The following FSTL4 variants were observed in gnomAD, a reference collection of about 807,000 sequenced individuals.
FSTL4 encodes follistatin like 4.
In FSTL4, 28 loss-of-function variants were observed where a neutral mutation model predicts 78.2. The ratio of observed to expected loss-of-function variants is 0.36; its 90% confidence interval spans 0.27 to 0.49. The LOEUF is 0.49. FSTL4 is among the 20% of genes least tolerant of loss of function. The pLI is 0.98. For synonymous variants in FSTL4, 422 were observed against 440.5 expected, an observed-to-expected ratio of 0.96 and a Z score of 0.53; for missense variants, 922 against 1,084.9, an observed-to-expected ratio of 0.85 and a Z score of 2.11.
chr5:133,244,387 C>T (rs1751971523), intron 7 of FSTL4: 1 of 152,346 alleles, frequency 6.6e-6, no homozygotes, highest in African/African-American at 2.4e-5. Context: ...TGGGCTGTGC[C>T]TCCTCAAGGA....
intron 3 of FSTL4, among the ~76,000 whole-genome samples, chr5:133,499,804 T>C (rs1758451866): frequency 1.3e-5 from 2 of 152,220 alleles, no homozygotes; most frequent in African/African-American, 2.4e-5. Context: ...CCTCCGACAG[T>C]ACACATTTTA....
chr5:133,403,585 G>C (rs1008892713), intron 3 of FSTL4, among the ~76,000 whole-genome samples: 1 of 152,230 alleles, frequency 6.6e-6, no homozygotes, highest in Non-Finnish European at 1.5e-5. Context: ...TAGGGGCTCG[G>C]ATGGGGAGGG....
At chr5:133,818,478 G>A in the FSTL4 span, among the ~76,000 whole-genome samples, 1 of 152,098 alleles carries the variant, frequency 6.6e-6, no homozygotes, top group African/African-American at 2.4e-5. Flanking sequence ...TGTGTCACTG[G>A]GGAACTTAAC....
At chr5:133,276,545 G>C (rs941493982) in intron 6 of FSTL4, among the ~76,000 whole-genome samples, 1 of 152,160 alleles carries the variant, frequency 6.6e-6, no homozygotes, top group Non-Finnish European at 1.5e-5. Flanking sequence ...AAATAATAAT[G>C]ACCCCTCAAG....
the FSTL4 span, among the ~76,000 whole-genome samples, chr5:133,757,434 A>G: frequency 6.6e-6 from 1 of 152,236 alleles, no homozygotes; most frequent in South Asian, 2.1e-4. Flanking sequence ...ATTGGTGGCT[A>G]CAATACTAGA....
At chr5:133,528,796 T>A (rs954128868) in intron 3 of FSTL4, among the ~76,000 whole-genome samples, 1 of 152,266 alleles carries the variant, frequency 6.6e-6, no homozygotes, top group African/African-American at 2.4e-5. Context: ...TAAGTCAGCA[T>A]GGCAGGGATA....
intron 4 of FSTL4, among the ~76,000 whole-genome samples, chr5:133,382,298 T>G (rs1010739717): frequency 6.6e-6 from 1 of 152,232 alleles, no homozygotes; most frequent in Non-Finnish European, 1.5e-5. Flanking sequence ...CTGGATGTAC[T>G]GCGTGAGTGA....
At position 133,300,832 on chromosome 5, in the gene FSTL4, T is replaced by C. The variant is rs534267210; in HGVS notation, c.727+11822A>G. Among the ~76,000 whole-genome samples the C allele has an allele frequency of 8.7e-4, 132 of 151,858 alleles. 1 individual carries two copies. The highest frequency in any genetic ancestry group is 3.1e-3 in the African/African-American group (128 of 41,422). ...AGAAGGAGTGGATATTTGATGGGGT[T>C]TGGGTTTGAGAGAAAGCAGCCCTCC... On this transcript the variant is annotated intron_variant, in intron 6 of 15. Coordinates refer to ENST00000265342, the MANE Select transcript of FSTL4 (RefSeq NM_015082.2).
Position 133,426,557 on chromosome 5 carries a change from T to C in FSTL4, c.161-25571A>G, listed in dbSNP as rs1416457620. 1.3e-5 allele frequency among the ~76,000 whole-genome samples: 2 copies of C among 152,236 alleles called. No homozygotes were observed. The highest frequency in any genetic ancestry group is 3.4e-3 in the Middle Eastern group (1 of 294). ...ATGGCCAATTAGCAGCAGAGGAAAC[T>C]GAACTGTACCGTGGGTTGGGGAATG... On this transcript the variant is annotated intron_variant, in intron 3 of 15. Coordinates refer to ENST00000265342, the MANE Select transcript of FSTL4 (RefSeq NM_015082.2). This position sits in a 1 kb window ranked among gnomAD's most constrained non-coding sequence, Gnocchi z 5.0.
the FSTL4 span, among the ~76,000 whole-genome samples, chr5:133,751,824 C>T: frequency 6.6e-6 from 1 of 152,208 alleles, no homozygotes; most frequent in Non-Finnish European, 1.5e-5. Flanking sequence ...GCCAGAGGGG[C>T]ACAGACCAAC....
intron 3 of FSTL4, among the ~76,000 whole-genome samples, chr5:133,561,883 T>C (rs890499859): frequency 2.0e-5 from 3 of 152,176 alleles, no homozygotes; most frequent in South Asian, 2.1e-4. Flanking sequence ...CACCATGCAC[T>C]TCCCATTCAA....
intron 4 of FSTL4, among the ~76,000 whole-genome samples, chr5:133,325,362 C>T (rs570353193): frequency 3.3e-4 from 51 of 152,242 alleles, no homozygotes; most frequent in Admixed American, 5.2e-4. Context: ...GGGGGGAATC[C>T]CCAGGCCACT....
chr5:133,433,027 T>C (rs1756972055), intron 3 of FSTL4, among the ~76,000 whole-genome samples: 2 of 152,228 alleles, frequency 1.3e-5, no homozygotes, highest in Admixed American at 6.5e-5. Context: ...TTAAAAGGCA[T>C]CTGGCTCCTC....
At chr5:133,423,853 G>A (rs1339932332) in intron 3 of FSTL4, among the ~76,000 whole-genome samples, 1 of 152,204 alleles carries the variant, frequency 6.6e-6, no homozygotes, top group East Asian at 1.9e-4. Flanking sequence ...TTGTCACAAC[G>A]GAGTACTCGG....
At chr5:133,820,204 C>T in the FSTL4 span, among the ~76,000 whole-genome samples, 1 of 152,192 alleles carries the variant, frequency 6.6e-6, no homozygotes, top group African/African-American at 2.4e-5. Flanking sequence ...AGCACAGCTT[C>T]CCCGGGCCGG....
At chr5:133,484,157 C>T (rs1758084993) in intron 3 of FSTL4, among the ~76,000 whole-genome samples, 1 of 152,126 alleles carries the variant, frequency 6.6e-6, no homozygotes, top group Non-Finnish European at 1.5e-5. Flanking sequence ...TGGGCAATGT[C>T]CTCCTCTCCC....
the FSTL4 span, among the ~76,000 whole-genome samples, chr5:133,818,873 G>A: frequency 1.4e-5 from 2 of 138,088 alleles, no homozygotes; most frequent in African/African-American, 5.4e-5. Flanking sequence ...TCAGCTTAAA[G>A]CCCCCCACCC....
In FSTL4 at chr5:133,198,831, GCTTGGCAC is replaced by G; in HGVS notation, c.*256_*263del. ...ATGTCCCCAGGTCACTCGGTGTGCA[GCTTGGCAC>G]AGAAATGATCCCTTTACACAGCAGC... On this transcript the variant is annotated 3_prime_UTR_variant, in exon 16 of 16. Transcript: ENST00000265342. The G allele has an allele frequency of 2.9e-6, 1 of 341,018 alleles. No homozygotes were observed. The highest frequency in any genetic ancestry group is 5.3e-6 in the Non-Finnish European group (1 of 187,138). The allele number at this position is 341,018 out of a possible 1,614,324, so 21.1% of individuals were successfully genotyped here.
chr5:133,239,791 T>A (rs1333335638), intron 7 of FSTL4, among the ~76,000 whole-genome samples: 2 of 152,192 alleles, frequency 1.3e-5, no homozygotes, highest in Non-Finnish European at 2.9e-5. Flanking sequence ...ACTCTGTATC[T>A]AGCTAATCTA....
Sources: allele counts gnomAD v4.1 joint callset (sites outside exome capture counted in the v4.1 genomes callset), GRCh38; gene constraint gnomAD v4.1.1; non-coding constraint Gnocchi (gnomAD v3.1); transcripts MANE v1.5; gene names NCBI Gene and HGNC (gene_info 2026-07-23, HGNC 2026-07-21).